NPY2R: variants seen among roughly 807,000 people sequenced by gnomAD.
NPY2R encodes neuropeptide Y receptor Y2.
In NPY2R, 17 loss-of-function variants were observed where a neutral mutation model predicts 22.3. That is an observed-to-expected ratio of 0.76 (90% CI 0.52 to 1.14). The LOEUF is 1.14. Ranked by LOEUF, NPY2R falls within the 50% of genes most tolerant of loss-of-function variation. The probability of loss-of-function intolerance (pLI) is 0.00; values close to 1 mark genes in which losing one functional copy is unlikely to be tolerated. For missense variants in NPY2R, 424 were observed against 467.9 expected, an observed-to-expected ratio of 0.91 and a Z score of 0.87; for synonymous variants, 209 against 183.4, an observed-to-expected ratio of 1.14 and a Z score of -1.13.
At chr4:155,185,764 ATG>A in the NPY2R span, among the ~76,000 whole-genome samples, 2 of 115,734 alleles carry the variant, frequency 1.7e-5, no homozygotes, top group African/African-American at 7.5e-5. Flanking sequence ...AGAGAGAATC[ATG>A]TGTGCCTGGT....
the NPY2R span, among the ~76,000 whole-genome samples, chr4:155,176,825 G>A: frequency 6.6e-6 from 1 of 152,120 alleles, no homozygotes; most frequent in Non-Finnish European, 1.5e-5. Flanking sequence ...CTTCCAAAAT[G>A]GTGCCTTGCT....
At position 155,214,662 on chromosome 4, in the gene NPY2R, C is replaced by T. The variant is rs1313399153; in HGVS notation, c.723C>T (p.Arg241=). 2 of 1,614,096 alleles carry T rather than the reference C, an allele frequency of 1.2e-6. No homozygotes were observed. The highest frequency in any genetic ancestry group is 2.7e-5 in the African/African-American group (2 of 74,936). ...GCATTATATCATTTTCCTACACTCG[C>T]ATTTGGAGTAAATTGAAGAACCATG... The part of the protein sequence containing the change: ...PLGIISFSYT[R]IWSKLKNHVS... Residue 241 remains arginine (R), a synonymous_variant, in exon 2 of 2, where the codon CGC becomes CGT. Coordinates refer to ENST00000329476, the MANE Select transcript of NPY2R (RefSeq NM_000910.4).
At chr4:155,209,937 G>A (rs1364407653) in intron 1 of NPY2R, among the ~76,000 whole-genome samples, 2 of 151,988 alleles carry the variant, frequency 1.3e-5, no homozygotes, top group East Asian at 1.9e-4. Flanking sequence ...TTTGAATCTC[G>A]GGTGGTGGGC....
At chr4:155,196,662 G>A in the NPY2R span, among the ~76,000 whole-genome samples, 9 of 151,908 alleles carry the variant, frequency 5.9e-5, no homozygotes, top group Non-Finnish European at 1.2e-4. Context: ...GAATAGGGAA[G>A]GTGTGCAGGT....
chr4:155,210,554 G>T (rs2111038292), intron 1 of NPY2R, among the ~76,000 whole-genome samples: 1 of 152,248 alleles, frequency 6.6e-6, no homozygotes, highest in Admixed American at 6.5e-5. Context: ...TCTAAAACCA[G>T]TCTCTTTCTT....
chr4:155,192,632 A>G, the NPY2R span, among the ~76,000 whole-genome samples: 8 of 152,004 alleles, frequency 5.3e-5, no homozygotes, highest in Non-Finnish European at 7.4e-5. Flanking sequence ...ATTGCTTAAC[A>G]GCTTTCAATT....
chr4:155,190,863 T>C, the NPY2R span, among the ~76,000 whole-genome samples: 1 of 152,064 alleles, frequency 6.6e-6, no homozygotes, highest in East Asian at 1.9e-4. Flanking sequence ...AGTTTTTCTA[T>C]GTTGGCTCTC....
the NPY2R span, among the ~76,000 whole-genome samples, chr4:155,178,686 TGC>T: frequency 7.2e-5 from 11 of 152,364 alleles, no homozygotes; most frequent in African/African-American, 2.6e-4. Context: ...ATATTAAGTG[TGC>T]GTGCATTTAA....
the NPY2R span, among the ~76,000 whole-genome samples, chr4:155,185,133 A>T: frequency 6.6e-6 from 1 of 151,146 alleles, no homozygotes. Context: ...TCCACCTCCC[A>T]GGTTCAAGCG....
chr4:155,183,799 A>G, the NPY2R span, among the ~76,000 whole-genome samples: 1 of 152,194 alleles, frequency 6.6e-6, no homozygotes, highest in Non-Finnish European at 1.5e-5. Context: ...CATGAACAAA[A>G]TGACAATAGT....
At chr4:155,208,372 C>T (rs73855386), upstream of NPY2R, 2,336 of 152,408 alleles carry the variant, frequency 0.015, 46 homozygotes, top group African/African-American at 0.052. This position sits in a 1 kb window ranked among gnomAD's most constrained non-coding sequence, Gnocchi z 5.6. Context: ...CGCCTTTTCC[C>T]GGGGCGGATT....
the NPY2R span, among the ~76,000 whole-genome samples, chr4:155,182,038 G>A: frequency 6.6e-6 from 1 of 152,064 alleles, no homozygotes; most frequent in African/African-American, 2.4e-5. Context: ...ATAAGCAGTA[G>A]AACTAAAGGA....
the NPY2R span, among the ~76,000 whole-genome samples, chr4:155,182,917 C>T: frequency 4.5e-3 from 685 of 152,130 alleles, 6 homozygotes; most frequent in African/African-American, 0.014. Context: ...CTCAGCCTCC[C>T]GAGTAGCTGG....
chr4:155,185,602 G>T, the NPY2R span, among the ~76,000 whole-genome samples: 1 of 151,444 alleles, frequency 6.6e-6, no homozygotes, highest in Non-Finnish European at 1.5e-5. Flanking sequence ...TCTTCATAAC[G>T]CAAATAAATG....
rs779104896 is a variant in NPY2R, at chr4:155,214,061, T to C, written c.122T>C (p.Ile41Thr). Residue 41 changes from isoleucine (I) to threonine (T), a missense_variant, in exon 2 of 2, where the codon ATA (isoleucine) becomes ACA (threonine). Transcript: ENST00000329476. Reference protein sequence around the residue: ...ELVPDPEPELIDSTKLIEVQV... With the variant: ...ELVPDPEPELTDSTKLIEVQV... The stretch of plus-strand genomic sequence containing the variant: ...GTCCCTGACCCTGAGCCAGAGCTTA[T>C]AGATAGTACCAAGCTGATTGAGGTA... 6.2e-6 allele frequency: 10 copies of C among 1,613,702 alleles called. No homozygotes were observed. The highest frequency in any genetic ancestry group is 2.2e-5 in the South Asian group (2 of 91,086).
At chr4:155,191,964 T>C in the NPY2R span, among the ~76,000 whole-genome samples, 18 of 152,044 alleles carry the variant, frequency 1.2e-4, no homozygotes, top group African/African-American at 4.3e-4. Flanking sequence ...TTATGTTTGG[T>C]GAATTTTAAA....
At chr4:155,197,946 C>T in the NPY2R span, among the ~76,000 whole-genome samples, 6 of 151,992 alleles carry the variant, frequency 3.9e-5, no homozygotes, top group South Asian at 2.1e-4. Flanking sequence ...CAACTTCTCA[C>T]GCCACTTCTA....
chr4:155,205,165 T>C (rs1339408521), upstream of NPY2R, among the ~76,000 whole-genome samples: 2 of 152,218 alleles, frequency 1.3e-5, no homozygotes, highest in Non-Finnish European at 2.9e-5. Flanking sequence ...TCAGTTGCAC[T>C]AGCCACACGT....
At chr4:155,194,453 T>C in the NPY2R span, among the ~76,000 whole-genome samples, 2 of 151,898 alleles carry the variant, frequency 1.3e-5, no homozygotes, top group African/African-American at 4.8e-5. Flanking sequence ...TTTGTGTCCA[T>C]GTGTACTCAA....
Sources: gnomAD v4.1 joint callset for allele counts (sites outside exome capture counted in the v4.1 genomes callset) on GRCh38, gnomAD v4.1.1 for gene constraint, Gnocchi (gnomAD v3.1) non-coding constraint, MANE v1.5 for transcripts, NCBI Gene and HGNC (gene_info 2026-07-23, HGNC 2026-07-21) for gene names.